Variants in GABRB3 observed in about 807,000 individuals in gnomAD.
The protein encoded by GABRB3 is gamma-aminobutyric acid receptor subunit beta-3.
In GABRB3, 14 loss-of-function variants were observed where a neutral mutation model predicts 52.1. That is an observed-to-expected ratio of 0.27 (90% CI 0.18 to 0.42). The LOEUF (loss-of-function observed/expected upper bound fraction) is 0.42, where lower values mean the gene tolerates loss of function less well. GABRB3 is among the 10% of genes least tolerant of loss of function. GABRB3 has a pLI of 1.00. For missense variants in GABRB3, 307 were observed against 609.1 expected (o/e 0.50, Z 5.22); for synonymous variants, 260 against 232.3 (o/e 1.12, Z -1.08).
intron 3 of GABRB3, among the ~76,000 whole-genome samples, chr15:26,673,195 T>C (rs1366323016): frequency 6.6e-6 from 1 of 152,152 alleles, no homozygotes; most frequent in African/African-American, 2.4e-5. Context: ...TAGAAAAAAG[T>C]TGCAATTGTA....
chr15:26,667,141 T>C (rs893091050), intron 3 of GABRB3, among the ~76,000 whole-genome samples: 1 of 152,228 alleles, frequency 6.6e-6, no homozygotes, highest in Non-Finnish European at 1.5e-5. Flanking sequence ...CCTGTATTAC[T>C]GTCTCTGTTC....
At chr15:26,583,916 A>C (rs1170429898) in intron 4 of GABRB3, among the ~76,000 whole-genome samples, 2 of 151,902 alleles carry the variant, frequency 1.3e-5, no homozygotes, top group Non-Finnish European at 2.9e-5. Flanking sequence ...CTGGGACTAC[A>C]GGCGCCTGCC....
chr15:26,625,430 A>C, intron 3 of GABRB3: 1 of 974,888 alleles, frequency 1.0e-6, no homozygotes, highest in Non-Finnish European at 1.2e-6. Flanking sequence ...ACCAATTTTT[A>C]CCTTTGCAAT....
intron 4 of GABRB3, among the ~76,000 whole-genome samples, chr15:26,590,798 C>A (rs1245568543): frequency 6.6e-6 from 1 of 152,222 alleles, no homozygotes; most frequent in East Asian, 1.9e-4. Flanking sequence ...CCAGAATCCA[C>A]TCTCCCAGCC....
chr15:26,582,571 C>T (rs1890827390), intron 5 of GABRB3, among the ~76,000 whole-genome samples: 1 of 149,280 alleles, frequency 6.7e-6, no homozygotes, highest in Non-Finnish European at 1.5e-5. Context: ...GGGCCAGCCT[C>T]ACCCAGGATC....
At chr15:26,742,096 C>T (rs1890223055) in intron 3 of GABRB3, among the ~76,000 whole-genome samples, 1 of 152,138 alleles carries the variant, frequency 6.6e-6, no homozygotes, top group Admixed American at 6.5e-5. Flanking sequence ...TTTTCAGAAG[C>T]ACATTTTCCC....
At chr15:26,661,892 T>C (rs1257505120) in intron 3 of GABRB3, among the ~76,000 whole-genome samples, 1 of 152,124 alleles carries the variant, frequency 6.6e-6, no homozygotes, top group African/African-American at 2.4e-5. Context: ...GCTATTAATA[T>C]GGTTGTTATG....
rs114849467 is a variant in GABRB3 at position 26,584,130 on chromosome 15, T to C, written c.462-716A>G. Among the ~76,000 whole-genome samples the C allele has an allele frequency of 9.8e-3, 1,499 of 152,310 alleles. 18 individuals are homozygous for C. The highest frequency in any genetic ancestry group is 0.033 in the African/African-American group (1,376 of 41,554). ...TGACGAAAATGCAAAATCTACCCTCTTGCAATTTTTGAGTATACAGCACTT... is the reference window on the plus strand; with the variant it reads ...TGACGAAAATGCAAAATCTACCCTCCTGCAATTTTTGAGTATACAGCACTT... On this transcript the variant is annotated intron_variant, in intron 4 of 8. Coordinates refer to ENST00000311550, the MANE Select transcript of GABRB3 (RefSeq NM_000814.6).
At chr15:26,680,541 CTG>C (rs1468675428) in intron 3 of GABRB3, among the ~76,000 whole-genome samples, 1 of 152,220 alleles carries the variant, frequency 6.6e-6, no homozygotes, top group African/African-American at 2.4e-5. Flanking sequence ...CATGGGAACA[CTG>C]TTCGATATGT....
intron 3 of GABRB3, among the ~76,000 whole-genome samples, chr15:26,667,099 T>C (rs999541411): frequency 3.9e-5 from 6 of 152,206 alleles, no homozygotes; most frequent in Non-Finnish European, 2.9e-5. Flanking sequence ...CCATAATACA[T>C]GAATATCACC....
intron 3 of GABRB3, among the ~76,000 whole-genome samples, chr15:26,724,909 G>C (rs1191592192): frequency 6.6e-6 from 1 of 152,088 alleles, no homozygotes; most frequent in African/African-American, 2.4e-5. Context: ...GGCCATGCAG[G>C]CTGCAACCCT....
rs1331043660 is a variant in GABRB3 at position 26,656,265 on chromosome 15, C to T, written c.241-34731G>A. ...GTCGTCTCTCATTTCCCTCCAGCTC[C>T]GGAAAGATAAACTGTCTAGTGACTC... On this transcript the variant is annotated intron_variant, in intron 3 of 8. Transcript: ENST00000311550. Among the ~76,000 whole-genome samples, 7 of 152,146 alleles carry T rather than the reference C, an allele frequency of 4.6e-5. No homozygotes were observed. In the East Asian group the frequency reaches 1.2e-3, roughly 25 times the overall value.
intron 8 of GABRB3, among the ~76,000 whole-genome samples, chr15:26,553,026 C>T (rs1567095585): frequency 6.6e-6 from 1 of 152,084 alleles, no homozygotes; most frequent in Non-Finnish European, 1.5e-5. Flanking sequence ...AAGCTCAATT[C>T]GATTGTATTA....
chr15:26,745,831 C>T (rs938151562), intron 3 of GABRB3, among the ~76,000 whole-genome samples: 4 of 152,260 alleles, frequency 2.6e-5, no homozygotes, highest in East Asian at 1.9e-4. Context: ...GGTTTGAATG[C>T]GCCATAGCTT....
At chr15:26,740,324 T>G (rs1169712443) in intron 3 of GABRB3, among the ~76,000 whole-genome samples, 2 of 151,564 alleles carry the variant, frequency 1.3e-5, no homozygotes, top group Non-Finnish European at 2.9e-5. Context: ...CCCAATGGGG[T>G]AGAAGTAGTG....
intron 3 of GABRB3, among the ~76,000 whole-genome samples, chr15:26,751,064 T>C (rs1890493869): frequency 6.6e-6 from 1 of 152,218 alleles, no homozygotes; most frequent in Non-Finnish European, 1.5e-5. Flanking sequence ...TAGATTTTTA[T>C]AATCTTTCCA....
intron 3 of GABRB3, among the ~76,000 whole-genome samples, chr15:26,769,867 G>C (rs1891099651): frequency 6.6e-6 from 1 of 152,058 alleles, no homozygotes; most frequent in Non-Finnish European, 1.5e-5. Flanking sequence ...TGCTCTAAGA[G>C]TTACAACACA....
chr15:26,756,405 TA>T (rs559330345), intron 3 of GABRB3, among the ~76,000 whole-genome samples: 407 of 134,454 alleles, frequency 3.0e-3, no homozygotes, highest in Middle Eastern at 3.9e-3. Context: ...CCCTCTCTAC[TA>T]AAAAAAAAAA....
In GABRB3 at chr15:26,547,338, A is replaced by C. The variant is rs1276296070; in HGVS notation, c.*455T>G. On this transcript the variant is annotated 3_prime_UTR_variant, in exon 9 of 9. Transcript: ENST00000311550. ...CTGTATGAGTTTTCAAAGATTAACTAAGAATGTCTTTCTGATTTTTAAACT... is the reference window on the plus strand; with the variant it reads ...CTGTATGAGTTTTCAAAGATTAACTCAGAATGTCTTTCTGATTTTTAAACT... 2.4e-6 allele frequency: 1 copy of C among 410,524 alleles called. No individual in the cohort carries two copies. Among genetic ancestry groups the C allele is most frequent in the East Asian group, 3.5e-5 (1 of 28,684 alleles). 25.4% of individuals were successfully genotyped at this position (410,524 alleles called of 1,614,324 possible).
Sources: gnomAD v4.1 joint callset for allele counts (sites outside exome capture counted in the v4.1 genomes callset) on GRCh38, gnomAD v4.1.1 for gene constraint, MANE v1.5 for transcripts, NCBI Gene and HGNC (gene_info 2026-07-23, HGNC 2026-07-21) for gene names.